The following MAPK10 variants were observed in gnomAD, a reference collection of about 807,000 sequenced individuals.
The protein encoded by MAPK10 is JNK3 alpha protein kinase.
Under a neutral mutation model 59.3 loss-of-function variants are expected in MAPK10, and 25 were observed. The ratio of observed to expected loss-of-function variants is 0.42; its 90% confidence interval spans 0.31 to 0.59. The LOEUF is 0.59. Among genes scored for constraint, MAPK10 ranks in the 20% least tolerant of loss-of-function variants. MAPK10 has a pLI of 0.15. For synonymous variants in MAPK10, 190 were observed against 200.5 expected, an observed-to-expected ratio of 0.95 and a Z score of 0.44; for missense variants, 351 against 568.9, an observed-to-expected ratio of 0.62 and a Z score of 3.90.
chr4:86,104,213 G>A (rs943404750), intron 5 of MAPK10, among the ~76,000 whole-genome samples: 4 of 152,036 alleles, frequency 2.6e-5, no homozygotes, highest in Non-Finnish European at 5.9e-5. Context: ...TCTATGGAAT[G>A]TTTTATGTCT....
chr4:86,248,627 G>T (rs1350601531), intron 2 of MAPK10, among the ~76,000 whole-genome samples: 1 of 152,282 alleles, frequency 6.6e-6, no homozygotes, highest in South Asian at 2.1e-4. Context: ...CTTCATCAAA[G>T]AAGAATCTTT....
At chr4:86,212,323 G>C (rs2086070026) in intron 2 of MAPK10, among the ~76,000 whole-genome samples, 1 of 152,014 alleles carries the variant, frequency 6.6e-6, no homozygotes, top group African/African-American at 2.4e-5. Context: ...TTCAAGACCA[G>C]CCTGGGCAAC....
At chr4:86,493,793 A>G (rs547991298) in intron 1 of MAPK10, among the ~76,000 whole-genome samples, 1 of 152,126 alleles carries the variant, frequency 6.6e-6, no homozygotes, top group African/African-American at 2.4e-5. Context: ...TAAATTGTTA[A>G]TGTTTTAAAA....
At chr4:86,276,471 T>A (rs150164322) in intron 2 of MAPK10, among the ~76,000 whole-genome samples, 116 of 152,198 alleles carry the variant, frequency 7.6e-4, no homozygotes, top group African/African-American at 2.7e-3. Flanking sequence ...AAAAGATACA[T>A]GCTTGCTTGC....
In MAPK10 at chr4:86,444,733, C is replaced by A. The variant is rs1334670333; in HGVS notation, c.-122+8297G>T. ...ACAAATTTACAAGAAAAAAAAAAAA[C>A]AACCCTATCAAAAAGTGGGCAAAGG... On this transcript the variant is annotated intron_variant, in intron 1 of 13. Coordinates refer to the MAPK10 transcript ENST00000361569. Among the ~76,000 whole-genome samples, 94 of 148,194 alleles carry A rather than the reference C, an allele frequency of 6.3e-4. No individual in the cohort carries two copies. In the South Asian group the frequency reaches 0.014, roughly 21 times the overall value.
In MAPK10 at chr4:86,012,691, C is replaced by T. The variant is rs1560467535; in HGVS notation, c.*4537G>A. The T allele has an allele frequency of 6.6e-6, 1 of 152,142 alleles. No individual in the cohort carries two copies. Among genetic ancestry groups the T allele is most frequent in the African/African-American group, 2.4e-5 (1 of 41,434 alleles). The allele number at this position is 152,142 out of a possible 1,614,324, so 9.4% of individuals were successfully genotyped here. A position where few individuals can be genotyped will look rare whatever the true frequency, so the allele number is the denominator to read the frequency against. On this transcript the variant is annotated 3_prime_UTR_variant, in exon 14 of 14. Coordinates refer to ENST00000641462, the MANE Select transcript of MAPK10 (RefSeq NM_138982.4). ...AGAAAGAACACAGAAATGACTTGAA[C>T]GATTTCAAATCCTTATTAAGCATCA...
intron 13 of MAPK10, chr4:86,027,610 G>A (rs886065696): frequency 3.9e-5 from 6 of 152,180 alleles, no homozygotes; most frequent in Non-Finnish European, 5.9e-5. Context: ...ACATGATCTT[G>A]TCTTGAATTT....
At chr4:86,024,417 T>A (rs777980330) in intron 13 of MAPK10, 1 of 152,212 alleles carries the variant, frequency 6.6e-6, no homozygotes, top group Non-Finnish European at 1.5e-5. Flanking sequence ...CTGCACTTAT[T>A]TTCAAAATCA....
At chr4:86,277,348 AG>A (rs2094614704) in intron 2 of MAPK10, 1 of 152,120 alleles carries the variant, frequency 6.6e-6, no homozygotes, top group Non-Finnish European at 1.5e-5. Flanking sequence ...AAAGGAAATA[AG>A]GGTTTATAGA....
chr4:86,519,678 TTG>T (rs771062414), intron 1 of MAPK10, among the ~76,000 whole-genome samples: 1 of 151,744 alleles, frequency 6.6e-6, no homozygotes, highest in Non-Finnish European at 1.5e-5. Flanking sequence ...ATACCTCATT[TTG>T]TGTGTGTGTG....
intron 1 of MAPK10, among the ~76,000 whole-genome samples, chr4:86,451,729 A>G (rs1250691309): frequency 1.3e-5 from 2 of 152,310 alleles, no homozygotes; most frequent in Non-Finnish European, 1.5e-5. Flanking sequence ...CTATGGAGCA[A>G]GGGAGGTGGA....
chr4:86,176,485 T>C (rs2149271674), intron 3 of MAPK10, among the ~76,000 whole-genome samples: 1 of 152,254 alleles, frequency 6.6e-6, no homozygotes, highest in South Asian at 2.1e-4. Flanking sequence ...AAATCTGACC[T>C]TTTTGTGCTT....
rs1307699224 is a variant in MAPK10, at chr4:86,014,976, A to G, written c.*2252T>C. 1 of 151,270 alleles carries G rather than the reference A, an allele frequency of 6.6e-6. No individual in the cohort carries two copies. The highest frequency in any genetic ancestry group is 2.4e-5 in the African/African-American group (1 of 40,920). The allele number at this position is 151,270 out of a possible 1,614,324, so 9.4% of individuals were successfully genotyped here. A position where few individuals can be genotyped will look rare whatever the true frequency, so the allele number is the denominator to read the frequency against. On this transcript the variant is annotated 3_prime_UTR_variant, in exon 14 of 14. Coordinates refer to ENST00000641462, the MANE Select transcript of MAPK10 (RefSeq NM_138982.4). ...AAAAGTACCGAGAAAGAAAATCAGT[A>G]AAGAATTAGAGATACAGAGAGGAGA...
At chr4:86,416,797 A>G (rs1745913410) in intron 1 of MAPK10, among the ~76,000 whole-genome samples, 1 of 152,228 alleles carries the variant, frequency 6.6e-6, no homozygotes, top group African/African-American at 2.4e-5. Context: ...CTTAAGAAAT[A>G]AATTCCCTAC....
intron 3 of MAPK10, among the ~76,000 whole-genome samples, chr4:86,169,273 A>G (rs1207127574): frequency 6.6e-6 from 1 of 152,206 alleles, no homozygotes; most frequent in Non-Finnish European, 1.5e-5. Flanking sequence ...TCCGAGCTAC[A>G]GGAGGAAATT....
chr4:86,141,327 C>T (rs760065285), intron 4 of MAPK10, among the ~76,000 whole-genome samples: 1 of 152,186 alleles, frequency 6.6e-6, no homozygotes, highest in Non-Finnish European at 1.5e-5. Flanking sequence ...AGAGCTACAG[C>T]AAATGCCTCA....
At chr4:86,486,452 A>G (rs1754003471) in intron 1 of MAPK10, among the ~76,000 whole-genome samples, 1 of 152,242 alleles carries the variant, frequency 6.6e-6, no homozygotes, top group Non-Finnish European at 1.5e-5. Context: ...GGAACAAAAG[A>G]ACTGCAAACA....
At chr4:86,290,362 G>A (rs1269048720) in intron 2 of MAPK10, among the ~76,000 whole-genome samples, 1 of 152,172 alleles carries the variant, frequency 6.6e-6, no homozygotes, top group Non-Finnish European at 1.5e-5. Context: ...CTTCTTCCAG[G>A]AATGCTGTTC....
chr4:86,375,957 T>G (rs1739744502), intron 1 of MAPK10, among the ~76,000 whole-genome samples: 1 of 152,064 alleles, frequency 6.6e-6, no homozygotes, highest in Non-Finnish European at 1.5e-5. Context: ...AATAACTGAG[T>G]GTCTACTAGG....
Sources: allele counts gnomAD v4.1 joint callset (sites outside exome capture counted in the v4.1 genomes callset), GRCh38; gene constraint gnomAD v4.1.1; transcripts MANE v1.5; gene names NCBI Gene and HGNC (gene_info 2026-07-23, HGNC 2026-07-21).